The following MYO15A variants were observed in gnomAD, a reference collection of about 807,000 sequenced individuals.
The protein encoded by MYO15A is unconventional myosin-XV.
Under a neutral mutation model 394.6 loss-of-function variants are expected in MYO15A, and 308 were observed. That is an observed-to-expected ratio of 0.78 (90% CI 0.71 to 0.86). The LOEUF (loss-of-function observed/expected upper bound fraction) is 0.86, where lower values mean the gene tolerates loss of function less well. Among genes scored for constraint, MYO15A ranks in the 40% least tolerant of loss-of-function variants. The pLI is 0.00. For synonymous variants in MYO15A, 1,957 were observed against 2,003.8 expected (o/e 0.98, Z 0.62); for missense variants, 4,606 against 4,799.1 (o/e 0.96, Z 1.19).
At position 18,154,741 on chromosome 17, in the gene MYO15A, T is replaced by A. The variant is rs2046644313; in HGVS notation, c.8210T>A (p.Met2737Lys). ...LRISEDERLRMKALFAQNQLD... is the reference protein window; with the variant it reads ...LRISEDERLRKKALFAQNQLD... Reference sequence around the variant, plus strand: ...ATCTCTGAGGATGAGAGGCTCAGGATGAAGGCCTTGTTTGGTATCTCGGGG... The same window carrying A: ...ATCTCTGAGGATGAGAGGCTCAGGAAGAAGGCCTTGTTTGGTATCTCGGGG... The change falls in exon 45 of 66, where the codon ATG becomes AAG. Residue 2737 changes from methionine to lysine, a missense_variant. Transcript: ENST00000647165. 1 of 1,613,646 alleles carries A rather than the reference T, an allele frequency of 6.2e-7. No homozygotes were observed. Among genetic ancestry groups the A allele is most frequent in the African/African-American group, 1.3e-5 (1 of 75,006 alleles).
intron 11 of MYO15A, 89 bp from the exon 12 acceptor site, chr17:18,133,136 A>G (rs1374561727): frequency 7.1e-7 from 1 of 1,400,366 alleles, no homozygotes; most frequent in African/African-American, 1.4e-5. Context: ...AACTCAGGCC[A>G]CCACACTACT....
At position 18,119,125 on chromosome 17, in the gene MYO15A, A is replaced by G; in HGVS notation, c.325A>G (p.Ile109Val). ...MKGKKPSFMVIRFPGRRGYGR... is the reference protein window; with the variant it reads ...MKGKKPSFMVVRFPGRRGYGR... ...GGGCAAGAAGCCGTCCTTCATGGTG[A>G]TCCGCTTCCCAGGCCGCCGTGGCTA... is the stretch of plus-strand genomic sequence containing the variant. The change falls in exon 2 of 66, where the codon ATC becomes GTC. Residue 109 changes from isoleucine to valine, a missense_variant. Transcript: ENST00000647165. 1 of 1,612,020 alleles carries G rather than the reference A, an allele frequency of 6.2e-7. No individual in the cohort carries two copies. The highest frequency in any genetic ancestry group is 8.5e-7 in the Non-Finnish European group (1 of 1,179,680).
At position 18,159,301 on chromosome 17, in the gene MYO15A, A is replaced by G; in HGVS notation, c.9183A>G (p.Glu3061=). 1 of 1,613,974 alleles carries G rather than the reference A, an allele frequency of 6.2e-7. No homozygotes were observed. The highest frequency in any genetic ancestry group is 8.5e-7 in the Non-Finnish European group (1 of 1,179,970). ...TKTPLQESLI[E]LSDSSLSKMA... ...CTCCCCTCCAGGAATCCCTCATCGA[A>G]CTCAGCGACAGCAGCCTCAGCAAGA... The change falls in exon 54 of 66, where the codon GAA becomes GAG. Residue 3061 remains glutamate, a synonymous_variant. Transcript: ENST00000647165.
rs2046144409 is a variant in MYO15A, at chr17:18,130,822, G to GTGTA, written c.4038+15_4038+16insATGT. 1 of 941,334 alleles carries GTGTA rather than the reference G, an allele frequency of 1.1e-6. No individual in the cohort carries two copies. The highest frequency in any genetic ancestry group is 1.8e-5 in the South Asian group (1 of 55,780). The allele number at this position is 941,334 out of a possible 1,614,324, so 58.3% of individuals were successfully genotyped here. A position where few individuals can be genotyped will look rare whatever the true frequency, so the allele number is the denominator to read the frequency against. On this transcript the variant is annotated intron_variant, in intron 8 of 65. Transcript: ENST00000647165. ...TCTTGAAGATAAAGGTACTCAGTGT[G>GTGTA]TGTGTGTGTGTGTGTGTGTGTGTGT...
intron 1 of MYO15A, among the ~76,000 whole-genome samples, chr17:18,116,806 G>A (rs373674280): frequency 1.3e-4 from 20 of 152,152 alleles, no homozygotes; most frequent in Non-Finnish European, 2.4e-4. Flanking sequence ...TGTAATCCAA[G>A]ATATTTGGGA....
Position 18,133,329 on chromosome 17 carries a change from C to T in MYO15A, c.4425C>T (p.Ile1475=), listed in dbSNP as rs766197607. Residue 1475 remains isoleucine (I), a synonymous_variant, in exon 12 of 66, where the codon ATC becomes ATT. Coordinates refer to ENST00000647165, the MANE Select transcript of MYO15A (RefSeq NM_016239.4). The stretch of plus-strand genomic sequence containing the variant: ...TCAGCAGTGAGGACCAGGACAGCAT[C>T]TTCCGCATCCTGGCCTCCATCCTGC... ...LGFSSEDQDS[I]FRILASILHL... 1.2e-6 allele frequency: 2 copies of T among 1,614,092 alleles called. No homozygotes were observed. The highest frequency in any genetic ancestry group is 1.3e-5 in the African/African-American group (1 of 74,940).
rs763128682 is a variant in MYO15A, at chr17:18,148,170, T to A, written c.6651T>A (p.Tyr2217Ter). 6.2e-7 allele frequency: 1 copy of A among 1,613,768 alleles called. No homozygotes were observed. Among genetic ancestry groups the A allele is most frequent in the Non-Finnish European group, 8.5e-7 (1 of 1,180,002 alleles). Residue 2217 changes from tyrosine (Y) to a stop codon, truncating the protein, a stop_gained, in exon 31 of 66, where the codon TAT becomes TAA. Coordinates refer to ENST00000647165, the MANE Select transcript of MYO15A (RefSeq NM_016239.4). LOFTEE classifies it high-confidence loss of function. This position sits in a 1 kb window ranked among gnomAD's most constrained non-coding sequence, Gnocchi z 4.8. Reference sequence around the variant, plus strand: ...CCCAGCTCGAGTGGACAGCGACCTATGAGAAGGCCAGCATGGCGCTGGACG... The same window carrying A: ...CCCAGCTCGAGTGGACAGCGACCTAAGAGAAGGCCAGCATGGCGCTGGACG... Reference protein sequence around the residue: ...PPTQLEWTATYEKASMALDVG... With the variant: ...PPTQLEWTAT
intron 4 of MYO15A, 43 bp from the exon 5 acceptor site, chr17:18,126,304 T>G: frequency 6.6e-7 from 1 of 1,506,938 alleles, no homozygotes; most frequent in Non-Finnish European, 9.2e-7. Context: ...GACATAGAGG[T>G]CTGCAAGGAG....
chr17:18,178,953 T>C lies in MYO15A; in HGVS notation c.*83T>C. ...AAATCACTGAACCTCTCAGGATCAA[T>C]GACCCCTGTAAGGGGCCAGAGCCTT... On this transcript the variant is annotated 3_prime_UTR_variant, in exon 66 of 66. Transcript: ENST00000647165. 9 of 1,405,812 alleles carry C rather than the reference T, an allele frequency of 6.4e-6. No individual in the cohort carries two copies. The highest frequency in any genetic ancestry group is 8.9e-6 in the Non-Finnish European group (9 of 1,015,134). The allele number at this position is 1,405,812 out of a possible 1,614,324, so 87.1% of individuals were successfully genotyped here.
At chr17:18,155,884 A>G in intron 47 of MYO15A, 1 of 458,564 alleles carries the variant, frequency 2.2e-6, no homozygotes, top group East Asian at 4.4e-5. Flanking sequence ...GCTTTGAAAG[A>G]TGGAGAGAAT....
chr17:18,164,401 T>C, intron 60 of MYO15A: 1 of 186,876 alleles, frequency 5.4e-6, no homozygotes. Context: ...CAGCCAGCTC[T>C]CCCTACTGCT....
In MYO15A at chr17:18,173,875, T is replaced by G. The variant is rs527404915; in HGVS notation, c.10445T>G (p.Leu3482Arg). The G allele has an allele frequency of 4.6e-5, 74 of 1,613,100 alleles. 2 individuals are homozygous for G. The South Asian group carries it at 7.7e-4, about 17-fold the overall frequency. Residue 3482 changes from leucine to arginine, a missense_variant, in exon 65 of 66, where the codon CTG becomes CGG. By Grantham distance (102) the Leu-to-Arg change is moderately radical (BLOSUM62 -2). Coordinates refer to ENST00000647165, the MANE Select transcript of MYO15A (RefSeq NM_016239.4). ...AGCTACCCCTATGTGGAGATTGCGCTGGGGGACGTGGCGGCCCAGCGCACC... is the reference window on the plus strand; with the variant it reads ...AGCTACCCCTATGTGGAGATTGCGCGGGGGGACGTGGCGGCCCAGCGCACC... Reference protein sequence around the residue: ...NSSYPYVEIALGDVAAQRTLQ... With the variant: ...NSSYPYVEIARGDVAAQRTLQ...
intron 7 of MYO15A, 26 bp from the exon 8 acceptor site, chr17:18,130,779 G>T: frequency 6.2e-7 from 1 of 1,611,078 alleles, no homozygotes; most frequent in Non-Finnish European, 8.5e-7. Flanking sequence ...CTGTCTCTTT[G>T]TCCTCCCTCC....
Position 18,156,220 on chromosome 17 carries a change from A to G in MYO15A, c.8485A>G (p.Met2829Val). Residue 2829 changes from methionine (M) to valine (V), a missense_variant, in exon 48 of 66, where the codon ATG (methionine) becomes GTG (valine). Transcript: ENST00000647165. ...YSFADILFVT[M>V]PSQNMLEFNL... ...CTTTGCAGATATCCTGTTTGTGACC[A>G]TGCCCTCCCAGAACATGCTGGAGTT... 1 of 1,614,140 alleles carries G rather than the reference A, an allele frequency of 6.2e-7. No homozygotes were observed. The highest frequency in any genetic ancestry group is 8.5e-7 in the Non-Finnish European group (1 of 1,180,016).
At position 18,157,760 on chromosome 17, in the gene MYO15A, T is replaced by C; in HGVS notation, c.8827T>C (p.Phe2943Leu). The C allele has an allele frequency of 6.2e-7, 1 of 1,606,114 alleles. No homozygotes were observed. Among genetic ancestry groups the C allele is most frequent in the Non-Finnish European group, 8.5e-7 (1 of 1,179,848 alleles). The change falls in exon 51 of 66, where the codon TTC becomes CTC. Residue 2943 changes from phenylalanine to leucine, a missense_variant. Transcript: ENST00000647165. ...GACCATCCACGGGCGCGTGGGCCGC[T>C]TCCCTTCGGAGCTGGTGCAGCCCGC... ...FGTIHGRVGR[F>L]PSELVQPAAA... is the part of the protein sequence containing the mutation.
chr17:18,167,254 C>T (rs757837183), intron 61 of MYO15A, among the ~76,000 whole-genome samples: 16 of 152,180 alleles, frequency 1.1e-4, no homozygotes, highest in Non-Finnish European at 1.9e-4. Context: ...TTTGGCAAGC[C>T]CTCCCGTGGC....
chr17:18,110,349 A>T (rs1467451934), intron 1 of MYO15A: 2 of 152,240 alleles, frequency 1.3e-5, no homozygotes, highest in African/African-American at 4.8e-5. Context: ...CTAAGAAGCC[A>T]TGTGAGGCAG....
In MYO15A at chr17:18,155,207, C is replaced by CG; in HGVS notation, c.8322_8323insG (p.Arg2775AlafsTer68). ...GAGACACCTGGGAGGTCTACTTCTC[C>CG]CGCATCTTCCCCGCCACGGTGCGAG... On this transcript the variant is annotated frameshift_variant, in exon 46 of 66. Transcript: ENST00000647165. LOFTEE classifies it high-confidence loss of function. 5.0e-6 allele frequency: 8 copies of CG among 1,613,526 alleles called. No individual in the cohort carries two copies. Among genetic ancestry groups the CG allele is most frequent in the Non-Finnish European group, 6.8e-6 (8 of 1,179,844 alleles).
At chr17:18,172,111 G>A in intron 63 of MYO15A, 46 bp from the exon 64 acceptor site, 1 of 1,613,352 alleles carries the variant, frequency 6.2e-7, no homozygotes, top group South Asian at 1.1e-5. Context: ...GCTGTTGTCA[G>A]TGAGCCCTGC....
Sources: gnomAD v4.1 joint callset for allele counts (sites outside exome capture counted in the v4.1 genomes callset) on GRCh38, gnomAD v4.1.1 for gene constraint, Gnocchi (gnomAD v3.1) non-coding constraint, MANE v1.5 for transcripts, NCBI Gene and HGNC (gene_info 2026-07-23, HGNC 2026-07-21) for gene names.